The following DNAAF5 variants were observed in gnomAD, a reference collection of about 807,000 sequenced individuals.
DNAAF5 encodes the protein HEAT repeat containing 2.
DNAAF5 carries 64 observed loss-of-function variants against 75.8 expected under a neutral mutation model. The ratio of observed to expected loss-of-function variants is 0.84; its 90% CI spans 0.69 to 1.04. The LOEUF is 1.04. DNAAF5 is among the 50% of genes least tolerant of loss of function. The pLI, the probability that DNAAF5 is intolerant of heterozygous loss-of-function variation, is 0.00. For missense variants in DNAAF5, 1,269 were observed against 1,178.5 expected (o/e 1.08, Z -1.12); for synonymous variants, 657 against 557.2 (o/e 1.18, Z -2.52).
At chr7:760,272 G>C (rs1782606438) in intron 6 of DNAAF5, among the ~76,000 whole-genome samples, 1 of 152,176 alleles carries the variant, frequency 6.6e-6, no homozygotes, top group Admixed American at 6.5e-5. Context: ...TAGAGTTTTA[G>C]AGCTGATTAG....
chr7:775,070 T>C lies in DNAAF5; in HGVS notation c.2147T>C (p.Met716Thr), dbSNP rs1778714172. 1 of 1,613,968 alleles carries C rather than the reference T, an allele frequency of 6.2e-7. No individual in the cohort carries two copies. The highest frequency in any genetic ancestry group is 8.5e-7 in the Non-Finnish European group (1 of 1,180,030). Reference protein sequence around the residue: ...VLTTLEEDSKMTRLISCRIIN... With the variant: ...VLTTLEEDSKTTRLISCRIIN... ...ACCACCCTGGAGGAGGATTCGAAGA[T>C]GACGCGACTGATCTCATGCCGTATT... Residue 716 changes from methionine to threonine, a missense_variant, in exon 11 of 13, where the codon ATG becomes ACG. Transcript: ENST00000297440.
chr7:746,784 G>A (rs1036332445), intron 4 of DNAAF5, among the ~76,000 whole-genome samples: 9 of 152,212 alleles, frequency 5.9e-5, no homozygotes, highest in South Asian at 2.1e-4. Context: ...GAGCAGCACC[G>A]CCTCTGTCCC....
At chr7:776,646 GA>G (rs1778770134) in intron 11 of DNAAF5, among the ~76,000 whole-genome samples, 2 of 152,246 alleles carry the variant, frequency 1.3e-5, no homozygotes, top group Non-Finnish European at 2.9e-5. Context: ...AACCCCAGGT[GA>G]GAGCAAGCAC....
intron 4 of DNAAF5, among the ~76,000 whole-genome samples, chr7:745,276 G>A (rs934728599): frequency 8.5e-5 from 13 of 152,248 alleles, no homozygotes; most frequent in Non-Finnish European, 1.6e-4. Flanking sequence ...CAGTGGGGCA[G>A]GAATGGCAGT....
chr7:768,845 T>C (rs1442887727), intron 8 of DNAAF5: 3 of 361,236 alleles, frequency 8.3e-6, no homozygotes, highest in Non-Finnish European at 1.5e-5. Context: ...CCAGAAACAC[T>C]GTCTTGTTTC....
intron 10 of DNAAF5, 31 bp downstream of exon 10, chr7:774,229 C>A: frequency 6.3e-7 from 1 of 1,577,506 alleles, no homozygotes; most frequent in South Asian, 1.1e-5. Flanking sequence ...TCGGTGGACA[C>A]CGGCCGGGGA....
chr7:728,607 T>C (rs951627054), intron 1 of DNAAF5, among the ~76,000 whole-genome samples: 4 of 152,172 alleles, frequency 2.6e-5, no homozygotes, highest in Non-Finnish European at 4.4e-5. Flanking sequence ...GCATTTAATG[T>C]ATTTCTTCTT....
intron 2 of DNAAF5, chr7:732,571 G>A: frequency 2.2e-6 from 1 of 456,116 alleles, no homozygotes; most frequent in Non-Finnish European, 4.4e-6. Context: ...GGGGATGCAT[G>A]GACAGCTTTT....
chr7:782,540 T>C (rs111537572), intron 12 of DNAAF5, among the ~76,000 whole-genome samples: 126 of 72,456 alleles, frequency 1.7e-3, no homozygotes, highest in South Asian at 1.6e-3. Flanking sequence ...ATCTTCCTGG[T>C]GTGGCCGCCT....
At chr7:739,954 C>T (rs534812045) in intron 2 of DNAAF5, among the ~76,000 whole-genome samples, 6 of 152,296 alleles carry the variant, frequency 3.9e-5, no homozygotes, top group Admixed American at 6.5e-5. Flanking sequence ...TGGGCAGAGA[C>T]GCTTCATCCA....
intron 5 of DNAAF5, among the ~76,000 whole-genome samples, chr7:755,984 C>A (rs1782467945): frequency 8.4e-6 from 1 of 119,658 alleles, no homozygotes. Context: ...TGTGGAATCC[C>A]ACAGTGCAGA....
chr7:742,473 A>C (rs1583483916), intron 4 of DNAAF5, among the ~76,000 whole-genome samples: 1 of 51,140 alleles, frequency 2.0e-5, no homozygotes, highest in African/African-American at 7.7e-5. Flanking sequence ...TCACATGCCC[A>C]GCTCAAATCA....
chr7:730,465 CAT>C (rs575019863), intron 2 of DNAAF5, among the ~76,000 whole-genome samples: 80 of 152,328 alleles, frequency 5.3e-4, no homozygotes, highest in East Asian at 3.5e-3. Flanking sequence ...CGTAGTCAGA[CAT>C]GTGATCTTTT....
chr7:783,878 C>T (rs758468479), intron 12 of DNAAF5, among the ~76,000 whole-genome samples: 21 of 152,210 alleles, frequency 1.4e-4, no homozygotes, highest in Admixed American at 3.9e-4. Flanking sequence ...AGACCAGTGC[C>T]CCTGTGCACC....
intron 6 of DNAAF5, 112 bp from the exon 7 acceptor site, chr7:761,641 G>A: frequency 8.8e-7 from 1 of 1,134,864 alleles, no homozygotes; most frequent in Non-Finnish European, 1.2e-6. Context: ...CCCTCCCACA[G>A]GGTCCCTCCC....
At chr7:747,750 G>A (rs1776823462) in intron 4 of DNAAF5, among the ~76,000 whole-genome samples, 1 of 40,064 alleles carries the variant, frequency 2.5e-5, no homozygotes, top group African/African-American at 8.3e-5. Flanking sequence ...CTGGTGTGCA[G>A]TGGTGGCCCA....
intron 4 of DNAAF5, among the ~76,000 whole-genome samples, chr7:747,415 G>A (rs1241483327): frequency 1.3e-5 from 2 of 152,178 alleles, no homozygotes; most frequent in Non-Finnish European, 2.9e-5. Flanking sequence ...GTGGCACAGG[G>A]TGTTGGTGGG....
intron 6 of DNAAF5, among the ~76,000 whole-genome samples, chr7:758,672 T>A (rs997014784): frequency 4.6e-5 from 7 of 151,928 alleles, no homozygotes; most frequent in African/African-American, 1.2e-4. Flanking sequence ...GGTAATTTTT[T>A]TTTATTTATT....
At chr7:770,426 C>T (rs746274215) in intron 8 of DNAAF5, 45 bp from the exon 9 acceptor site, 5 of 1,578,380 alleles carry the variant, frequency 3.2e-6, no homozygotes, top group Admixed American at 1.7e-5. Flanking sequence ...GGCCTCCTCC[C>T]GTCTCCTGAG....
Sources: allele counts gnomAD v4.1 joint callset (sites outside exome capture counted in the v4.1 genomes callset), GRCh38; gene constraint gnomAD v4.1.1; transcripts MANE v1.5; gene names NCBI Gene and HGNC (gene_info 2026-07-23, HGNC 2026-07-21).